KIF3B: variants seen among roughly 807,000 people sequenced by gnomAD.
KIF3B encodes the protein kinesin family member 3B, also known as kinesin-like protein KIF3B.
In KIF3B, 38 loss-of-function variants were observed where a neutral mutation model predicts 74.3. The observed-to-expected ratio is 0.51, with a 90% CI of 0.39 to 0.67. KIF3B has a LOEUF of 0.67. Ranked by LOEUF, KIF3B falls within the 30% of genes least tolerant of loss-of-function variation. KIF3B has a pLI of 0.00. For synonymous variants in KIF3B, 326 were observed against 342.5 expected (o/e 0.95, Z 0.53); for missense variants, 649 against 932.0 (o/e 0.70, Z 3.95).
Position 32,310,434 on chromosome 20 carries a change from C to G in KIF3B, c.657C>G (p.Phe219Leu). ...NEHSSRSHAI[F>L]VITIECSEVG... ...ACAGCTCGCGTTCTCATGCAATTTT[C>G]GTTATCACTATTGAGTGCAGCGAGG... The change falls in exon 2 of 9, where the codon TTC becomes TTG. Residue 219 changes from phenylalanine to leucine, a missense_variant. By Grantham distance (22) the Phe-to-Leu change is conservative. Coordinates refer to ENST00000375712, the MANE Select transcript of KIF3B (RefSeq NM_004798.4). This position sits in a 1 kb window ranked among gnomAD's most constrained non-coding sequence, Gnocchi z 6.5. 1.9e-6 allele frequency: 3 copies of G among 1,614,144 alleles called. No individual in the cohort carries two copies. The highest frequency in any genetic ancestry group is 2.2e-5 in the South Asian group (2 of 91,088).
chr20:32,313,729 A>T (rs532866425), intron 2 of KIF3B, among the ~76,000 whole-genome samples: 5 of 133,144 alleles, frequency 3.8e-5, no homozygotes, highest in African/African-American at 1.3e-4. Context: ...TTGTTTTGAG[A>T]AAGGGTCTCA....
At chr20:32,329,883 CAG>C (rs1220641545) in intron 7 of KIF3B, among the ~76,000 whole-genome samples, 2 of 152,114 alleles carry the variant, frequency 1.3e-5, no homozygotes. Flanking sequence ...CAGAGCCAAA[CAG>C]AAGATTACGG....
rs966117347 is a variant in KIF3B, at chr20:32,310,501, A to C, written c.724A>C (p.Asn242His). 1 of 1,613,792 alleles carries C rather than the reference A, an allele frequency of 6.2e-7. No homozygotes were observed. The highest frequency in any genetic ancestry group is 1.3e-5 in the African/African-American group (1 of 74,932). ...AAACCACATCCGTGTAGGAAAATTG[A>C]ACCTTGTAGATCTTGCTGGCAGCGA... ...GENHIRVGKL[N>H]LVDLAGSERQ... The change falls in exon 2 of 9, where the codon AAC (asparagine) becomes CAC (histidine). Residue 242 changes from asparagine (N) to histidine (H), a missense_variant. By Grantham distance (68) the Asn-to-His change is moderately conservative. This residue lies in a region of KIF3B where 363 missense variants were observed against 592.8 expected (regional missense o/e 0.61). Transcript: ENST00000375712. This position sits in a 1 kb window ranked among gnomAD's most constrained non-coding sequence, Gnocchi z 6.5.
At position 32,299,403 on chromosome 20, in the gene KIF3B, A is replaced by ATATATATATATTTTTTT. The variant is rs1555895046; in HGVS notation, c.-65-10309_-65-10308insATATATATATTTTTTTT. Among the ~76,000 whole-genome samples, 15 of 9,022 alleles carry ATATATATATATTTTTTT rather than the reference A, an allele frequency of 1.7e-3. No homozygotes were observed. The East Asian group carries it at 0.032, about 19-fold the overall frequency. The allele number at this position is 9,022 out of a possible 152,430, so 5.9% of individuals were successfully genotyped here. On this transcript the variant is annotated intron_variant, in intron 1 of 8. Coordinates refer to ENST00000375712, the MANE Select transcript of KIF3B (RefSeq NM_004798.4). ...TGTATATATATATATATATATATATATTTTTTTTTTTTTTTTTTTTTTTTT... is the reference window on the plus strand; with the variant it reads ...TGTATATATATATATATATATATATATATATATATATTTTTTTTTTTTTTTTTTTTTTTTTTTTTTTT...
At chr20:32,294,627 A>G (rs1326117424) in intron 1 of KIF3B, among the ~76,000 whole-genome samples, 1 of 152,218 alleles carries the variant, frequency 6.6e-6, no homozygotes, top group African/African-American at 2.4e-5. Context: ...AATCCTCAGA[A>G]CAGTTCTTTA....
intron 1 of KIF3B, among the ~76,000 whole-genome samples, chr20:32,296,961 C>G (rs1199547880): frequency 2.6e-5 from 4 of 152,004 alleles, no homozygotes; most frequent in Admixed American, 6.6e-5. Flanking sequence ...CCTGATACTT[C>G]AAAAACAATT....
intron 1 of KIF3B, among the ~76,000 whole-genome samples, chr20:32,293,761 A>G (rs2047703767): frequency 6.6e-6 from 1 of 152,126 alleles, no homozygotes. Context: ...ATGAAGGAGC[A>G]ATGCAGATAT....
At position 32,309,997 on chromosome 20, in the gene KIF3B, G is replaced by A. The variant is rs748063389; in HGVS notation, c.220G>A (p.Asp74Asn). ...DWNAKQFELY[D>N]ETFRPLVDSV... ...GAATGCCAAGCAGTTTGAACTGTAC[G>A]ATGAGACGTTCCGACCACTTGTTGA... Residue 74 changes from aspartate to asparagine, a missense_variant, in exon 2 of 9, where the codon GAT becomes AAT. Transcript: ENST00000375712. 1.9e-6 allele frequency: 3 copies of A among 1,614,148 alleles called. No homozygotes were observed. Among genetic ancestry groups the A allele is most frequent in the Admixed American group, 1.7e-5 (1 of 60,018 alleles).
chr20:32,309,040 A>G (rs2047786705), intron 1 of KIF3B, among the ~76,000 whole-genome samples: 1 of 151,846 alleles, frequency 6.6e-6, no homozygotes, highest in Admixed American at 6.6e-5. Context: ...TTTTTAAGAT[A>G]GAGTCTCACT....
chr20:32,309,233 A>G (rs372172274), intron 1 of KIF3B, among the ~76,000 whole-genome samples: 5 of 135,184 alleles, frequency 3.7e-5, no homozygotes, highest in African/African-American at 5.7e-5. Flanking sequence ...GGGGCTCCCT[A>G]TGTTGCCCAG....
In KIF3B at chr20:32,331,222, G is replaced by A. The variant is rs1195427709; in HGVS notation, c.2148-1G>A. 1 of 1,612,074 alleles carries A rather than the reference G, an allele frequency of 6.2e-7. No individual in the cohort carries two copies. Among genetic ancestry groups the A allele is most frequent in the Non-Finnish European group, 8.5e-7 (1 of 1,178,410 alleles). On this transcript the variant is annotated splice_acceptor_variant, in intron 8 of 8. Transcript: ENST00000375712. LOFTEE classifies it high-confidence loss of function. ...TATAAACATGTGTTTGACTTTTGCA[G>A]GCCTAAAAGTGGAAGGAAGTCGGGA...
chr20:32,300,074 CTGTTTTGTTTTGTTTTGTTTTGTTT>C (rs59811144), intron 1 of KIF3B, among the ~76,000 whole-genome samples: 4 of 149,614 alleles, frequency 2.7e-5, no homozygotes, highest in East Asian at 2.0e-4. Context: ...CCACACTGGC[CTGTTTTGTTTTGTTTTGTTTTGTTT>C]TGTTTTGTTT....
intron 1 of KIF3B, among the ~76,000 whole-genome samples, chr20:32,281,060 C>T (rs1434254519): frequency 1.9e-4 from 29 of 152,100 alleles, no homozygotes; most frequent in African/African-American, 7.2e-5. Flanking sequence ...TCCATTAATT[C>T]GCAAGTCCCT....
chr20:32,310,745 A>G lies in KIF3B; in HGVS notation c.968A>G (p.Asn323Ser). The stretch of plus-strand genomic sequence containing the variant: ...GCCAACGTGGGGCCTGCCTCTTACA[A>G]CGTAGAAGAGACTCTGACCACTCTG... Reference protein sequence around the residue: ...MVANVGPASYNVEETLTTLRY... With the variant: ...MVANVGPASYSVEETLTTLRY... The change falls in exon 2 of 9, where the codon AAC becomes AGC. Residue 323 changes from asparagine to serine, a missense_variant. By Grantham distance (46) the Asn-to-Ser change is conservative. Coordinates refer to ENST00000375712, the MANE Select transcript of KIF3B (RefSeq NM_004798.4). This position sits in a 1 kb window ranked among gnomAD's most constrained non-coding sequence, Gnocchi z 6.5. 1 of 1,614,174 alleles carries G rather than the reference A, an allele frequency of 6.2e-7. No homozygotes were observed. Among genetic ancestry groups the G allele is most frequent in the Non-Finnish European group, 8.5e-7 (1 of 1,180,026 alleles).
intron 7 of KIF3B, among the ~76,000 whole-genome samples, 160 bp from the exon 8 acceptor site, chr20:32,329,981 G>A (rs1209160752): frequency 1.3e-5 from 2 of 152,184 alleles, no homozygotes; most frequent in Non-Finnish European, 2.9e-5. Flanking sequence ...GTGGAGTTAG[G>A]TGTTGTAAAA....
At chr20:32,306,501 T>C (rs947728420) in intron 1 of KIF3B, among the ~76,000 whole-genome samples, 3 of 152,122 alleles carry the variant, frequency 2.0e-5, no homozygotes, top group African/African-American at 7.2e-5. Flanking sequence ...TTATTAATGA[T>C]TGTGGGATTG....
rs1202712896 is a variant in KIF3B, at chr20:32,310,924, C to T, written c.1147C>T (p.Arg383Trp). The T allele has an allele frequency of 4.9e-6, 6 of 1,228,000 alleles. No individual in the cohort carries two copies. Among genetic ancestry groups the T allele is most frequent in the East Asian group, 3.7e-5 (1 of 26,720 alleles). 76.1% of individuals were successfully genotyped at this position (1,228,000 alleles called of 1,614,324 possible). A position where few individuals can be genotyped will look rare whatever the true frequency, so the allele number is the denominator to read the frequency against. ...SIGRRKRREKRREGGGSGGGG... is the reference protein window; with the variant it reads ...SIGRRKRREKWREGGGSGGGG... ...TGGTAGGAGGAAGAGGCGAGAGAAG[C>T]GGAGGGAAGGTGGTGGCAGTGGTGG... Residue 383 changes from arginine (R) to tryptophan (W), a missense_variant, in exon 2 of 9, where the codon CGG becomes TGG. Physicochemically the swap from Arg to Trp is moderately radical, Grantham distance 101. Coordinates refer to ENST00000375712, the MANE Select transcript of KIF3B (RefSeq NM_004798.4). The surrounding 1 kb of genome is among the most constrained non-coding windows in gnomAD (Gnocchi z 6.5).
In KIF3B at chr20:32,310,004, C is replaced by T. The variant is rs772588869; in HGVS notation, c.227C>T (p.Thr76Met). The T allele has an allele frequency of 5.0e-6, 8 of 1,614,158 alleles. No individual in the cohort carries two copies. The highest frequency in any genetic ancestry group is 2.2e-5 in the East Asian group (1 of 44,892). The change falls in exon 2 of 9, where the codon ACG (threonine) becomes ATG (methionine). Residue 76 changes from threonine (T) to methionine (M), a missense_variant. Coordinates refer to ENST00000375712, the MANE Select transcript of KIF3B (RefSeq NM_004798.4). The surrounding 1 kb of genome is among the most constrained non-coding windows in gnomAD (Gnocchi z 6.5). ...NAKQFELYDE[T>M]FRPLVDSVLQ... ...AAGCAGTTTGAACTGTACGATGAGA[C>T]GTTCCGACCACTTGTTGACTCTGTC...
At chr20:32,324,442 T>C (rs2047892934) in intron 5 of KIF3B, among the ~76,000 whole-genome samples, 1 of 152,124 alleles carries the variant, frequency 6.6e-6, no homozygotes, top group Non-Finnish European at 1.5e-5. Context: ...GGCCTGAGAA[T>C]GTTCATTTCT....
Sources: allele counts gnomAD v4.1 joint callset (sites outside exome capture counted in the v4.1 genomes callset), GRCh38; gene constraint gnomAD v4.1.1; regional missense constraint gnomAD v4.1.1; non-coding constraint Gnocchi (gnomAD v3.1); transcripts MANE v1.5; gene names NCBI Gene and HGNC (gene_info 2026-07-23, HGNC 2026-07-21).